SH3RF2: variants seen among roughly 807,000 people sequenced by gnomAD.
The protein encoded by SH3RF2 is E3 ubiquitin-protein ligase SH3RF2.
A neutral mutation model predicts 59.0 loss-of-function variants in SH3RF2; 43 were observed. The observed-to-expected ratio is 0.73, with a 90% CI of 0.57 to 0.94. The LOEUF (loss-of-function observed/expected upper bound fraction) is 0.94, where lower values mean the gene tolerates loss of function less well. Among genes scored for constraint, SH3RF2 ranks in the 40% least tolerant of loss-of-function variants. The probability of loss-of-function intolerance (pLI) is 0.00; values close to 1 mark genes in which losing one functional copy is unlikely to be tolerated. For synonymous variants in SH3RF2, 391 were observed against 391.5 expected, an observed-to-expected ratio of 1.00 and a Z score of 0.01; for missense variants, 930 against 940.1, an observed-to-expected ratio of 0.99 and a Z score of 0.14.
Position 146,059,851 on chromosome 5 carries a change from C to A in SH3RF2, c.1556-15C>A. ...CCGCCCCTGCTGCTGATCTCTCTGT[C>A]CTATAATTCCCCAGATGGATCCCTG... On this transcript the variant is annotated splice_polypyrimidine_tract_variant and intron_variant, in intron 8 of 9. Coordinates refer to ENST00000359120, the MANE Select transcript of SH3RF2 (RefSeq NM_152550.4). The A allele has an allele frequency of 1.4e-6, 2 of 1,444,308 alleles. No homozygotes were observed. Among genetic ancestry groups the A allele is most frequent in the Non-Finnish European group, 1.8e-6 (2 of 1,095,576 alleles). 89.5% of individuals were successfully genotyped at this position (1,444,308 alleles called of 1,614,324 possible).
chr5:146,038,849 C>G (rs565217380), intron 5 of SH3RF2, among the ~76,000 whole-genome samples: 1 of 152,176 alleles, frequency 6.6e-6, no homozygotes, highest in Non-Finnish European at 1.5e-5. Context: ...ACGCCAAGTG[C>G]CAAGACACTT....
intron 2 of SH3RF2, among the ~76,000 whole-genome samples, chr5:145,942,619 T>G (rs1422961410): frequency 6.6e-6 from 1 of 152,114 alleles, no homozygotes; most frequent in Non-Finnish European, 1.5e-5. Flanking sequence ...GCAAGGGGAT[T>G]AAAATCATCC....
chr5:146,013,871 G>A lies in SH3RF2; in HGVS notation c.869G>A (p.Gly290Glu), dbSNP rs1000131413. Residue 290 changes from glycine (G) to glutamate (E), a missense_variant, in exon 5 of 10, where the codon GGG (glycine) becomes GAG (glutamate). Physicochemically the swap from Gly to Glu is moderately conservative, Grantham distance 98. Coordinates refer to ENST00000359120, the MANE Select transcript of SH3RF2 (RefSeq NM_152550.4). ...GNTSTLRRGP[G>E]SRRKVPGQFS... Reference sequence around the variant, plus strand: ...ACGTCTACCCTCCGTAGGGGCCCAGGGTCCAGGAGGAAGGTGCCTGGGCAG... The same window carrying A: ...ACGTCTACCCTCCGTAGGGGCCCAGAGTCCAGGAGGAAGGTGCCTGGGCAG... 1.2e-6 allele frequency: 2 copies of A among 1,614,024 alleles called. No individual in the cohort carries two copies. The highest frequency in any genetic ancestry group is 1.7e-6 in the Non-Finnish European group (2 of 1,180,030).
At chr5:145,959,056 A>G (rs1475092046) in intron 2 of SH3RF2, among the ~76,000 whole-genome samples, 1 of 152,180 alleles carries the variant, frequency 6.6e-6, no homozygotes, top group Non-Finnish European at 1.5e-5. Context: ...CCAGAGAGAC[A>G]CAGAATAAAA....
intron 2 of SH3RF2, among the ~76,000 whole-genome samples, chr5:145,963,119 G>A (rs758631465): frequency 2.0e-5 from 3 of 151,500 alleles, no homozygotes; most frequent in African/African-American, 2.4e-5. Flanking sequence ...GGATGGTCTC[G>A]ATCTCCTGAC....
chr5:146,057,132 A>G (rs1465747410), intron 8 of SH3RF2, among the ~76,000 whole-genome samples: 1 of 152,260 alleles, frequency 6.6e-6, no homozygotes, highest in Non-Finnish European at 1.5e-5. Context: ...CAGATGAATT[A>G]ACATGAAAAC....
chr5:145,983,290 G>A (rs1232717136), intron 2 of SH3RF2, among the ~76,000 whole-genome samples: 1 of 144,790 alleles, frequency 6.9e-6, no homozygotes, highest in Admixed American at 7.1e-5. Flanking sequence ...AGCATTTACT[G>A]AGTGAGGGCG....
At chr5:145,958,224 A>G (rs1355680679) in intron 2 of SH3RF2, among the ~76,000 whole-genome samples, 1 of 152,200 alleles carries the variant, frequency 6.6e-6, no homozygotes, top group Non-Finnish European at 1.5e-5. Context: ...CCTCCTCTGT[A>G]AAACCGTAAC....
chr5:146,056,657 CT>C (rs1762682372), intron 8 of SH3RF2, among the ~76,000 whole-genome samples: 2 of 152,186 alleles, frequency 1.3e-5, no homozygotes, highest in Admixed American at 6.5e-5. Context: ...ATCAGAGCCC[CT>C]GATTCCCACC....
intron 2 of SH3RF2, among the ~76,000 whole-genome samples, chr5:145,978,384 A>G (rs1759377809): frequency 6.6e-6 from 1 of 152,164 alleles, no homozygotes; most frequent in African/African-American, 2.4e-5. Context: ...GGGATGGCCA[A>G]CGCCCCATCC....
chr5:145,959,779 C>T (rs1758561113), intron 2 of SH3RF2, among the ~76,000 whole-genome samples: 2 of 151,904 alleles, frequency 1.3e-5, no homozygotes, highest in Non-Finnish European at 2.9e-5. Context: ...GGAACAATGC[C>T]CCAAATGACT....
chr5:146,046,489 A>T (rs1011101934), intron 5 of SH3RF2, among the ~76,000 whole-genome samples: 3 of 152,186 alleles, frequency 2.0e-5, no homozygotes, highest in African/African-American at 7.2e-5. Context: ...GACTGAATGT[A>T]TTTACTCTGG....
chr5:145,951,215 C>T (rs1758181691), intron 2 of SH3RF2, among the ~76,000 whole-genome samples: 1 of 152,150 alleles, frequency 6.6e-6, no homozygotes, highest in African/African-American at 2.4e-5. Flanking sequence ...CACTTGTTTA[C>T]AGATAAGAGG....
In SH3RF2 at chr5:146,074,198, C is replaced by T. The variant is rs188836541; in HGVS notation, c.*34-4262C>T. On this transcript the variant is annotated intron_variant, in intron 9 of 9. Transcript: ENST00000511217. ...GGGACTACAGGCGCCCAACACCACG[C>T]CCGGCTAATTTTTTGTATTTTTAGT... 3.7e-3 allele frequency among the ~76,000 whole-genome samples: 561 copies of T among 152,138 alleles called. 3 individuals carry two copies. Among genetic ancestry groups the T allele is most frequent in the African/African-American group, 0.013 (533 of 41,480 alleles).
rs558717056 is a variant in SH3RF2 at position 146,033,451 on chromosome 5, CTTT to C, written c.1060-14287_1060-14285del. On this transcript the variant is annotated intron_variant, in intron 5 of 9. Transcript: ENST00000359120. The stretch of plus-strand genomic sequence containing the variant: ...AAAATCTATGAGCACTAGCCCTTAG[CTTT>C]TTTTTTTTTTTTTTTTTTTTTTTTT... Among the ~76,000 whole-genome samples the C allele has an allele frequency of 3.8e-4, 27 of 71,866 alleles. 1 individual carries two copies. Among genetic ancestry groups the C allele is most frequent in the African/African-American group, 2.4e-3 (25 of 10,396 alleles). 47.1% of individuals were successfully genotyped at this position (71,866 alleles called of 152,430 possible).
intron 2 of SH3RF2, among the ~76,000 whole-genome samples, chr5:145,973,089 T>G (rs1292957466): frequency 2.0e-5 from 3 of 152,100 alleles, no homozygotes; most frequent in African/African-American, 7.2e-5. Flanking sequence ...AGGAAAGGCA[T>G]TCTAGAGTAA....
intron 5 of SH3RF2, among the ~76,000 whole-genome samples, chr5:146,032,955 T>C (rs906079977): frequency 6.6e-6 from 1 of 152,162 alleles, no homozygotes; most frequent in Non-Finnish European, 1.5e-5. Flanking sequence ...CTCCAAAATA[T>C]ACACACGGAC....
exon 10 of SH3RF2, chr5:146,079,294 A>T (rs2150030892): frequency 6.6e-6 from 1 of 152,334 alleles, no homozygotes; most frequent in East Asian, 1.9e-4. Context: ...TTGTTTTTAA[A>T]AAAAAGACTA....
intron 2 of SH3RF2, among the ~76,000 whole-genome samples, chr5:145,945,430 CA>C (rs779255345): frequency 6.6e-5 from 10 of 152,062 alleles, no homozygotes; most frequent in Non-Finnish European, 1.3e-4. Context: ...TTGATTAAGA[CA>C]AAGAATTCTT....
Sources: gnomAD v4.1 joint callset for allele counts (sites outside exome capture counted in the v4.1 genomes callset) on GRCh38, gnomAD v4.1.1 for gene constraint, MANE v1.5 for transcripts, NCBI Gene and HGNC (gene_info 2026-07-23, HGNC 2026-07-21) for gene names.